The following DZIP1L variants were observed in gnomAD, a reference collection of about 807,000 sequenced individuals.
DZIP1L encodes the protein DAZ interacting zinc finger protein 1 like.
DZIP1L carries 90 observed loss-of-function variants against 88.7 expected under a neutral mutation model. The observed-to-expected ratio is 1.02, with a 90% CI of 0.86 to 1.21. DZIP1L has a LOEUF of 1.21. DZIP1L is among the 50% of genes most tolerant of loss of function. The pLI is 0.00. For missense variants in DZIP1L, 932 were observed against 955.8 expected (o/e 0.98, Z 0.33); for synonymous variants, 363 against 372.1 (o/e 0.98, Z 0.28).
At position 138,088,397 on chromosome 3, in the gene DZIP1L, T is replaced by C. The variant is rs758169420; in HGVS notation, c.981A>G (p.Arg327=). 56 of 1,612,834 alleles carry C rather than the reference T, an allele frequency of 3.5e-5. 1 individual carries two copies. The Middle Eastern group carries it at 8.3e-4, about 24-fold the overall frequency. Residue 327 remains arginine, a synonymous_variant, in exon 6 of 16, where the codon AGA becomes AGG. Transcript: ENST00000327532. ...AGCTCACCTGAATTTCTGTCTTCTC[T>C]CTCAGGGCCTGAAGCTCCCGTGCCT... The part of the protein sequence containing the change: ...LRQARELQAL[R]EKTEIQKTEW...
intron 11 of DZIP1L, among the ~76,000 whole-genome samples, chr3:138,073,957 A>T (rs1371353509): frequency 6.6e-6 from 1 of 152,148 alleles, no homozygotes; most frequent in African/African-American, 2.4e-5. Flanking sequence ...AGCAGAAGAA[A>T]GAACTTCAGA....
intron 11 of DZIP1L, among the ~76,000 whole-genome samples, chr3:138,077,159 T>C (rs1199214211): frequency 6.6e-6 from 1 of 152,102 alleles, no homozygotes; most frequent in Non-Finnish European, 1.5e-5. Flanking sequence ...GGGGGACCTA[T>C]CCACAGGCCA....
At chr3:138,084,551 G>A (rs866070629) in intron 7 of DZIP1L, among the ~76,000 whole-genome samples, 9 of 152,326 alleles carry the variant, frequency 5.9e-5, no homozygotes, top group Non-Finnish European at 1.0e-4. Context: ...ATGTTTTTAG[G>A]TGAAAACAAG....
At chr3:138,102,030 T>A in intron 2 of DZIP1L, 2 of 1,469,214 alleles carry the variant, frequency 1.4e-6, no homozygotes, top group African/African-American at 1.4e-5. Context: ...GTCATCTCCA[T>A]GCTTCCCAGC....
chr3:138,104,842 A>G (rs1378623450), intron 1 of DZIP1L, among the ~76,000 whole-genome samples: 1 of 152,196 alleles, frequency 6.6e-6, no homozygotes, highest in Non-Finnish European at 1.5e-5. Flanking sequence ...TGGTGAGCAT[A>G]TGAACTGTTC....
At chr3:138,112,490 C>T (rs1182655125) in intron 1 of DZIP1L, 1 of 152,200 alleles carries the variant, frequency 6.6e-6, no homozygotes, top group African/African-American at 2.4e-5. Flanking sequence ...CTCAGCTCCA[C>T]AGCTTGCGTC....
intron 11 of DZIP1L, among the ~76,000 whole-genome samples, chr3:138,074,320 T>A (rs1454057687): frequency 6.6e-6 from 1 of 152,156 alleles, no homozygotes; most frequent in Non-Finnish European, 1.5e-5. Context: ...AAGCACCAGG[T>A]AACCTATAAA....
At position 138,077,622 on chromosome 3, in the gene DZIP1L, G is replaced by T; in HGVS notation, c.1299C>A (p.Asp433Glu). Reference protein sequence around the residue: ...EEDSPEEEMEDSQDEQHKVLA... With the variant: ...EEDSPEEEMEESQDEQHKVLA... Reference sequence around the variant, plus strand: ...GCACCTTGTGCTGTTCATCCTGGGAGTCCTCCATCTCTGTAGCATGAGACA... The same window carrying T: ...GCACCTTGTGCTGTTCATCCTGGGATTCCTCCATCTCTGTAGCATGAGACA... The change falls in exon 11 of 16, where the codon GAC becomes GAA. Residue 433 changes from aspartate (D) to glutamate (E), a missense_variant. Asp to Glu is a conservative substitution (Grantham distance 45). Transcript: ENST00000327532. 1 of 1,614,120 alleles carries T rather than the reference G, an allele frequency of 6.2e-7. No homozygotes were observed. The highest frequency in any genetic ancestry group is 8.5e-7 in the Non-Finnish European group (1 of 1,180,012).
At chr3:138,097,955 A>G in intron 2 of DZIP1L, 108 bp from the exon 3 acceptor site, 1 of 865,676 alleles carries the variant, frequency 1.2e-6, no homozygotes, top group Admixed American at 2.2e-5. Context: ...GGGCTGCTTC[A>G]GAAATAAAGA....
At chr3:138,077,963 G>A (rs754915970) in intron 10 of DZIP1L, among the ~76,000 whole-genome samples, 3 of 152,270 alleles carry the variant, frequency 2.0e-5, no homozygotes, top group Non-Finnish European at 4.4e-5. Flanking sequence ...TGTCTAAACC[G>A]GAGATTCTCC....
intron 11 of DZIP1L, among the ~76,000 whole-genome samples, chr3:138,075,557 T>G (rs546063487): frequency 6.6e-6 from 1 of 152,184 alleles, no homozygotes; most frequent in Non-Finnish European, 1.5e-5. Flanking sequence ...TGAATAATCG[T>G]TGGGTCAACA....
intron 10 of DZIP1L, among the ~76,000 whole-genome samples, chr3:138,079,517 C>T (rs1345907202): frequency 6.6e-6 from 1 of 152,160 alleles, no homozygotes; most frequent in African/African-American, 2.4e-5. Flanking sequence ...TAACTAACTG[C>T]AGAACAATGT....
chr3:138,108,791 G>T (rs1559866971), intron 1 of DZIP1L, among the ~76,000 whole-genome samples: 1 of 152,212 alleles, frequency 6.6e-6, no homozygotes. Context: ...AAATGTAGCA[G>T]ATATGAAAGA....
intron 1 of DZIP1L, among the ~76,000 whole-genome samples, chr3:138,106,787 G>A (rs1047836365): frequency 5.9e-5 from 9 of 151,946 alleles, no homozygotes; most frequent in Admixed American, 3.9e-4. Context: ...AGCCGAGATC[G>A]CGCCACGGCA....
chr3:138,103,744 C>A lies in DZIP1L; in HGVS notation c.228G>T (p.Gly76=), dbSNP rs1403264436. 1 of 1,613,858 alleles carries A rather than the reference C, an allele frequency of 6.2e-7. No individual in the cohort carries two copies. The highest frequency in any genetic ancestry group is 2.2e-5 in the East Asian group (1 of 44,880). Residue 76 remains glycine (G), a synonymous_variant, in exon 2 of 16, where the codon GGG becomes GGT. Coordinates refer to ENST00000327532, the MANE Select transcript of DZIP1L (RefSeq NM_173543.3). ...NLDREVCSRC[G]QPVDPALLKV... Reference sequence around the variant, plus strand: ...TGAGCAGTGCCGGGTCCACAGGCTGCCCACAGCGGCTGCACACCTCCCGGT... The same window carrying A: ...TGAGCAGTGCCGGGTCCACAGGCTGACCACAGCGGCTGCACACCTCCCGGT...
At chr3:138,076,094 A>G (rs978937885) in intron 11 of DZIP1L, among the ~76,000 whole-genome samples, 2 of 152,222 alleles carry the variant, frequency 1.3e-5, no homozygotes, top group African/African-American at 4.8e-5. Flanking sequence ...AGCCTTGGGT[A>G]GCAGCACTGG....
chr3:138,104,322 A>G (rs935193503), intron 1 of DZIP1L, among the ~76,000 whole-genome samples: 2 of 152,240 alleles, frequency 1.3e-5, no homozygotes, highest in Non-Finnish European at 2.9e-5. Flanking sequence ...CCCACTGTGC[A>G]GGCCTGTGGT....
intron 1 of DZIP1L, among the ~76,000 whole-genome samples, chr3:138,108,445 A>ACT (rs760774815): frequency 6.6e-6 from 1 of 151,264 alleles, no homozygotes; most frequent in East Asian, 1.9e-4. Context: ...TCCATCAGCC[A>ACT]CTCTCTCTCT....
intron 2 of DZIP1L, among the ~76,000 whole-genome samples, chr3:138,101,152 A>G (rs2042295043): frequency 1.3e-5 from 2 of 149,810 alleles, no homozygotes. Flanking sequence ...CCTTACATAC[A>G]CTCTCCATAA....
Sources: gnomAD v4.1 joint callset for allele counts (sites outside exome capture counted in the v4.1 genomes callset) on GRCh38, gnomAD v4.1.1 for gene constraint, MANE v1.5 for transcripts, NCBI Gene and HGNC (gene_info 2026-07-23, HGNC 2026-07-21) for gene names.